CA10: variants seen among roughly 807,000 people sequenced by gnomAD.
The protein encoded by CA10 is carbonic anhydrase 10 (inactive), also known as carbonic anhydrase-related protein 10.
CA10 carries 14 observed loss-of-function variants against 44.2 expected under a neutral mutation model. The observed-to-expected ratio is 0.32, with a 90% CI of 0.21 to 0.50. The LOEUF (loss-of-function observed/expected upper bound fraction) is 0.50, where lower values mean the gene tolerates loss of function less well. Ranked by LOEUF, CA10 falls within the 20% of genes least tolerant of loss-of-function variation. CA10 has a pLI of 0.99. For synonymous variants in CA10, 159 were observed against 141.6 expected, an observed-to-expected ratio of 1.12 and a Z score of -0.87; for missense variants, 350 against 409.7, an observed-to-expected ratio of 0.85 and a Z score of 1.26.
At chr17:52,036,741 A>G (rs756592401) in intron 2 of CA10, among the ~76,000 whole-genome samples, 4 of 152,192 alleles carry the variant, frequency 2.6e-5, no homozygotes, top group Non-Finnish European at 5.9e-5. Flanking sequence ...CCTAGGGTTG[A>G]TGTGTGAATT....
chr17:51,665,642 C>T (rs546320023), intron 4 of CA10, among the ~76,000 whole-genome samples: 1 of 152,238 alleles, frequency 6.6e-6, no homozygotes, highest in South Asian at 2.1e-4. Context: ...TATGGTATAG[C>T]CTATTGCTCC....
At chr17:52,135,670 G>C (rs979719004) in intron 1 of CA10, among the ~76,000 whole-genome samples, 1 of 152,148 alleles carries the variant, frequency 6.6e-6, no homozygotes. Flanking sequence ...CACCCTGCAG[G>C]CTGCAACACT....
intron 2 of CA10, among the ~76,000 whole-genome samples, chr17:51,951,902 T>C (rs946258775): frequency 1.3e-5 from 2 of 152,148 alleles, no homozygotes; most frequent in Non-Finnish European, 2.9e-5. Context: ...CAATAACTTC[T>C]ATGTGCATGT....
At chr17:51,746,777 T>C (rs1904703689) in intron 4 of CA10, among the ~76,000 whole-genome samples, 1 of 152,242 alleles carries the variant, frequency 6.6e-6, no homozygotes, top group Non-Finnish European at 1.5e-5. Flanking sequence ...TGTTTCTTAG[T>C]GCTTGGCCTT....
chr17:51,711,287 G>A (rs1915936220), intron 4 of CA10, among the ~76,000 whole-genome samples: 1 of 152,008 alleles, frequency 6.6e-6, no homozygotes, highest in African/African-American at 2.4e-5. Flanking sequence ...TGTTGTTCTG[G>A]TTTCGAGATA....
intron 2 of CA10, among the ~76,000 whole-genome samples, chr17:51,974,298 C>T (rs1283374968): frequency 2.7e-5 from 4 of 150,696 alleles, no homozygotes; most frequent in South Asian, 4.2e-4. Flanking sequence ...GGAGGAGAAT[C>T]GCTTGAACCC....
In CA10 at chr17:52,115,655, G is replaced by A. The variant is rs112887606; in HGVS notation, c.61+42071C>T. Among the ~76,000 whole-genome samples, 114 of 152,302 alleles carry A rather than the reference G, an allele frequency of 7.5e-4. 2 individuals are homozygous for A. The highest frequency in any genetic ancestry group is 2.7e-3 in the African/African-American group (112 of 41,584). Reference sequence around the variant, plus strand: ...GCACAGGACAGATGGGTGAGCAGCAGCTCCCCGCCCCCCTCCCCTCTCGGT... The same window carrying A: ...GCACAGGACAGATGGGTGAGCAGCAACTCCCCGCCCCCCTCCCCTCTCGGT... On this transcript the variant is annotated intron_variant, in intron 1 of 8. Coordinates refer to ENST00000451037, the MANE Select transcript of CA10 (RefSeq NM_020178.5).
At chr17:52,123,294 AG>A (rs1989049705) in intron 1 of CA10, among the ~76,000 whole-genome samples, 1 of 151,958 alleles carries the variant, frequency 6.6e-6, no homozygotes, top group South Asian at 2.1e-4. Flanking sequence ...AATGTAAAAA[AG>A]TTTGGTATAG....
chr17:51,971,147 C>T (rs1364776695), intron 2 of CA10, among the ~76,000 whole-genome samples: 2 of 151,928 alleles, frequency 1.3e-5, no homozygotes, highest in African/African-American at 2.4e-5. Flanking sequence ...AATTTCAGAC[C>T]AACATTTTTG....
intron 3 of CA10, among the ~76,000 whole-genome samples, chr17:51,901,344 C>T (rs1205828926): frequency 6.6e-6 from 1 of 152,076 alleles, no homozygotes; most frequent in African/African-American, 2.4e-5. Flanking sequence ...TACCCAGCCC[C>T]CAGCTTTGTT....
intron 3 of CA10, among the ~76,000 whole-genome samples, chr17:51,806,089 C>T (rs764581316): frequency 1.3e-5 from 2 of 152,198 alleles, no homozygotes; most frequent in East Asian, 1.9e-4. Context: ...GGTCCAGAAC[C>T]TTCAGAGCTT....
At chr17:52,021,780 A>C (rs1373204390) in intron 2 of CA10, among the ~76,000 whole-genome samples, 1 of 152,128 alleles carries the variant, frequency 6.6e-6, no homozygotes, top group African/African-American at 2.4e-5. Flanking sequence ...GAACACCTCT[A>C]TGCACACAAA....
intron 3 of CA10, among the ~76,000 whole-genome samples, chr17:51,788,185 T>C (rs1056909769): frequency 6.6e-6 from 1 of 152,216 alleles, no homozygotes; most frequent in African/African-American, 2.4e-5. Context: ...TCAATTTCCT[T>C]CTGAATTTCT....
chr17:51,758,539 T>C (rs1437919795), intron 3 of CA10, among the ~76,000 whole-genome samples: 3 of 152,186 alleles, frequency 2.0e-5, no homozygotes, highest in Admixed American at 1.3e-4. Flanking sequence ...CACGTAGTCA[T>C]TGGCGCTGAA....
intron 3 of CA10, among the ~76,000 whole-genome samples, chr17:51,823,756 C>A (rs1156862684): frequency 6.6e-6 from 1 of 152,186 alleles, no homozygotes; most frequent in African/African-American, 2.4e-5. Flanking sequence ...TCATAGGTAG[C>A]AGCATAGCCA....
At chr17:52,076,301 T>C (rs1056780093) in intron 1 of CA10, among the ~76,000 whole-genome samples, 9 of 152,244 alleles carry the variant, frequency 5.9e-5, no homozygotes, top group African/African-American at 2.2e-4. Flanking sequence ...TTCTGTTCCA[T>C]CCAGAAAGTT....
At chr17:51,914,649 A>G (rs1981922635) in intron 3 of CA10, among the ~76,000 whole-genome samples, 1 of 152,176 alleles carries the variant, frequency 6.6e-6, no homozygotes, top group Non-Finnish European at 1.5e-5. Flanking sequence ...AAACATGGCA[A>G]AGAGAAGGAA....
chr17:51,858,774 A>C (rs1384606801), intron 3 of CA10, among the ~76,000 whole-genome samples: 2 of 152,200 alleles, frequency 1.3e-5, no homozygotes, highest in Admixed American at 1.3e-4. Flanking sequence ...ATCATATGGA[A>C]ATAATTTCAG....
intron 4 of CA10, among the ~76,000 whole-genome samples, chr17:51,662,719 G>C (rs1295478653): frequency 6.6e-6 from 1 of 152,168 alleles, no homozygotes; most frequent in Admixed American, 6.5e-5. Context: ...CCGGTGATGA[G>C]ATTTTCTGCA....
Sources: allele counts gnomAD v4.1 joint callset (sites outside exome capture counted in the v4.1 genomes callset), GRCh38; gene constraint gnomAD v4.1.1; transcripts MANE v1.5; gene names NCBI Gene and HGNC (gene_info 2026-07-23, HGNC 2026-07-21).